Variants in CAPN9 observed in about 807,000 individuals in gnomAD.
The protein encoded by CAPN9 is calpain-9.
Under a neutral mutation model 92.8 loss-of-function variants are expected in CAPN9, and 81 were observed. The ratio of observed to expected loss-of-function variants is 0.87; its 90% CI spans 0.73 to 1.05. The LOEUF (loss-of-function observed/expected upper bound fraction) is 1.05. Among genes scored for constraint, CAPN9 ranks in the 50% least tolerant of loss-of-function variants. The pLI is 0.00. For synonymous variants in CAPN9, 304 were observed against 328.0 expected (o/e 0.93, Z 0.79); for missense variants, 848 against 866.2 (o/e 0.98, Z 0.26).
chr1:230,768,938 T>G (rs947493289), intron 5 of CAPN9, among the ~76,000 whole-genome samples: 1 of 152,224 alleles, frequency 6.6e-6, no homozygotes, highest in African/African-American at 2.4e-5. Context: ...AATAGTGAAC[T>G]GTTCTTTGGA....
intron 1 of CAPN9, among the ~76,000 whole-genome samples, chr1:230,754,800 G>A (rs1278490399): frequency 6.6e-6 from 1 of 152,184 alleles, no homozygotes; most frequent in African/African-American, 2.4e-5. Context: ...GGGTGACACA[G>A]CAAGATTCTG....
chr1:230,790,775 A>G (rs1171750395), intron 14 of CAPN9, among the ~76,000 whole-genome samples: 1 of 152,124 alleles, frequency 6.6e-6, no homozygotes, highest in Non-Finnish European at 1.5e-5. Flanking sequence ...CCCCATCTCT[A>G]CTAAAAATAA....
chr1:230,764,900 T>C (rs536705048), intron 4 of CAPN9, among the ~76,000 whole-genome samples: 1 of 152,286 alleles, frequency 6.6e-6, no homozygotes, highest in South Asian at 2.1e-4. Flanking sequence ...TACATGGATC[T>C]GTACATGGGT....
At chr1:230,790,588 G>A (rs1269508631) in intron 14 of CAPN9, among the ~76,000 whole-genome samples, 1 of 142,988 alleles carries the variant, frequency 7.0e-6, no homozygotes, top group Non-Finnish European at 1.5e-5. Context: ...CCAGCCCCAG[G>A]CAACCACTCA....
chr1:230,780,713 G>A lies in CAPN9; in HGVS notation c.1481+5G>A. 2.5e-6 allele frequency: 4 copies of A among 1,612,890 alleles called. No individual in the cohort carries two copies. The highest frequency in any genetic ancestry group is 3.4e-6 in the Non-Finnish European group (4 of 1,178,920). On this transcript the variant is annotated splice_donor_5th_base_variant and intron_variant, in intron 11 of 19. Coordinates refer to ENST00000271971, the MANE Select transcript of CAPN9 (RefSeq NM_006615.3). ...AGAGAAAAAAGCCATTACCCGGTGA[G>A]TCAGAGGAACAGCTTCCAGAATCCC... is the stretch of plus-strand genomic sequence containing the variant.
At chr1:230,773,735 G>A (rs1026617540) in intron 7 of CAPN9, among the ~76,000 whole-genome samples, 3 of 152,084 alleles carry the variant, frequency 2.0e-5, no homozygotes, top group Non-Finnish European at 2.9e-5. Context: ...ACCCTGGCCC[G>A]AGCACCTGGA....
chr1:230,760,377 C>T (rs1241807406), intron 3 of CAPN9, among the ~76,000 whole-genome samples: 1 of 152,160 alleles, frequency 6.6e-6, no homozygotes. Context: ...CACACAGGAG[C>T]CGGCACAGAG....
At chr1:230,765,826 C>T (rs116582079) in intron 4 of CAPN9, among the ~76,000 whole-genome samples, 1,995 of 152,160 alleles carry the variant, frequency 0.013, 50 homozygotes, top group African/African-American at 0.045. Context: ...ATATTCCATC[C>T]TTGAGGAGGT....
intron 8 of CAPN9, among the ~76,000 whole-genome samples, chr1:230,775,102 T>C (rs1405777140): frequency 1.3e-5 from 2 of 152,064 alleles, no homozygotes; most frequent in African/African-American, 4.8e-5. Flanking sequence ...TACACCCAGA[T>C]TAGAGGGAAA....
chr1:230,763,296 C>T (rs1420564758), intron 4 of CAPN9, among the ~76,000 whole-genome samples: 3 of 152,112 alleles, frequency 2.0e-5, no homozygotes, highest in Admixed American at 2.0e-4. Flanking sequence ...AGTTGAGTAG[C>T]ATTAAGTACA....
In CAPN9 at chr1:230,780,534, T is replaced by G; in HGVS notation, c.1307T>G (p.Phe436Cys). 1 of 1,614,158 alleles carries G rather than the reference T, an allele frequency of 6.2e-7. No individual in the cohort carries two copies. The highest frequency in any genetic ancestry group is 8.5e-7 in the Non-Finnish European group (1 of 1,180,030). ...PDKDEHLNKD[F>C]FRYHASRARS... The stretch of plus-strand genomic sequence containing the variant: ...AAAGACGAACACCTGAACAAAGACT[T>G]CTTCAGATACCACGCTTCTCGGGCC... The change falls in exon 11 of 20, where the codon TTC becomes TGC. Residue 436 changes from phenylalanine (F) to cysteine (C), a missense_variant. Physicochemically the swap from Phe to Cys is radical, Grantham distance 205. Transcript: ENST00000271971.
At position 230,774,622 on chromosome 1, in the gene CAPN9, G is replaced by A; in HGVS notation, c.944G>A (p.Gly315Glu). The A allele has an allele frequency of 1.2e-6, 2 of 1,613,360 alleles. No homozygotes were observed. The highest frequency in any genetic ancestry group is 1.7e-6 in the Non-Finnish European group (2 of 1,179,300). The change falls in exon 8 of 20, where the codon GGG (glycine) becomes GAG (glutamate). Residue 315 changes from glycine to glutamate, a missense_variant. Coordinates refer to ENST00000271971, the MANE Select transcript of CAPN9 (RefSeq NM_006615.3). Reference protein sequence around the residue: ...KRLCHTALDDGEFWMAFKDFK... With the variant: ...KRLCHTALDDEEFWMAFKDFK... ...CTGTGTCACACTGCTCTGGATGATG[G>A]GGAATTCTGGTACCGTGCTTGTTCC...
chr1:230,786,134 A>G, intron 12 of CAPN9, 117 bp downstream of exon 12: 1 of 1,590,954 alleles, frequency 6.3e-7, no homozygotes, highest in Non-Finnish European at 8.6e-7. Context: ...CATGCAATCA[A>G]GTAAGCATCT....
intron 3 of CAPN9, among the ~76,000 whole-genome samples, chr1:230,760,781 C>T (rs1665583848): frequency 6.6e-6 from 1 of 152,216 alleles, no homozygotes; most frequent in Admixed American, 6.5e-5. Context: ...GGTCTTTCCC[C>T]AGTCCTCTTA....
intron 1 of CAPN9, among the ~76,000 whole-genome samples, chr1:230,749,345 A>G (rs77543200): frequency 0.015 from 2,314 of 152,322 alleles, 66 homozygotes; most frequent in African/African-American, 0.053. Context: ...GACATTTCCA[A>G]ACTAAAAAAG....
At chr1:230,792,994 C>A in intron 17 of CAPN9, 66 bp downstream of exon 17, 1 of 1,211,124 alleles carries the variant, frequency 8.3e-7, no homozygotes, top group Admixed American at 1.7e-5. Context: ...GCAACCTGAG[C>A]AGATGGCAGG....
chr1:230,747,621 T>C lies in CAPN9; in HGVS notation c.125T>C (p.Leu42Pro). The change falls in exon 1 of 20, where the codon CTG (leucine) becomes CCG (proline). Residue 42 changes from leucine (L) to proline (P), a missense_variant. Physicochemically the swap from Leu to Pro is moderately conservative, Grantham distance 98. Coordinates refer to ENST00000271971, the MANE Select transcript of CAPN9 (RefSeq NM_006615.3). ...MRQECLQRGT[L>P]FEDADFPASN... ...CAGGAGTGCCTGCAGAGAGGCACCC[T>C]GTTTGAGGATGCAGACTTCCCAGCC... 2 of 1,614,108 alleles carry C rather than the reference T, an allele frequency of 1.2e-6. No homozygotes were observed. The highest frequency in any genetic ancestry group is 1.7e-6 in the Non-Finnish European group (2 of 1,180,014).
intron 5 of CAPN9, among the ~76,000 whole-genome samples, chr1:230,768,519 C>G (rs899683194): frequency 2.7e-5 from 4 of 147,470 alleles, no homozygotes; most frequent in African/African-American, 1.0e-4. Flanking sequence ...GAAACGGGAT[C>G]TTCCTATCTA....
chr1:230,793,516 C>T (rs564095999), intron 17 of CAPN9, among the ~76,000 whole-genome samples: 16 of 152,206 alleles, frequency 1.1e-4, no homozygotes, highest in Admixed American at 3.3e-4. Context: ...GGATGGCTGT[C>T]GGCATCTCTG....
Sources: allele counts gnomAD v4.1 joint callset (sites outside exome capture counted in the v4.1 genomes callset), GRCh38; gene constraint gnomAD v4.1.1; transcripts MANE v1.5; gene names NCBI Gene and HGNC (gene_info 2026-07-23, HGNC 2026-07-21).